Variants in TOM1L2 observed in about 807,000 individuals in gnomAD.
The protein encoded by TOM1L2 is TOM1-like protein 2.
A neutral mutation model predicts 67.9 loss-of-function variants in TOM1L2; 31 were observed. The ratio of observed to expected loss-of-function variants is 0.46; its 90% confidence interval spans 0.34 to 0.62. The LOEUF (loss-of-function observed/expected upper bound fraction) is 0.62, where lower values mean the gene tolerates loss of function less well. TOM1L2 is among the 20% of genes least tolerant of loss of function. The pLI, the probability that TOM1L2 is intolerant of heterozygous loss-of-function variation, is 0.01. For missense variants in TOM1L2, 606 were observed against 663.5 expected (o/e 0.91, Z 0.95); for synonymous variants, 256 against 254.0 (o/e 1.01, Z -0.07).
intron 1 of TOM1L2, among the ~76,000 whole-genome samples, chr17:17,959,926 G>A (rs968938688): frequency 6.6e-6 from 1 of 152,194 alleles, no homozygotes; most frequent in Non-Finnish European, 1.5e-5. Flanking sequence ...TTTAAATTCC[G>A]TCTTTTCCTC....
At chr17:17,959,644 A>G (rs1166082834) in intron 1 of TOM1L2, among the ~76,000 whole-genome samples, 1 of 152,204 alleles carries the variant, frequency 6.6e-6, no homozygotes, top group Non-Finnish European at 1.5e-5. Flanking sequence ...ACGTGCCAGA[A>G]ATCTGTGTGA....
intron 11 of TOM1L2, chr17:17,862,493 C>T (rs2036611288): frequency 2.4e-5 from 11 of 465,524 alleles, no homozygotes; most frequent in Non-Finnish European, 4.2e-5. Context: ...GGAGAAATCA[C>T]ACTCCAATCA....
At chr17:17,940,394 G>A (rs2040685662) in intron 1 of TOM1L2, among the ~76,000 whole-genome samples, 1 of 152,194 alleles carries the variant, frequency 6.6e-6, no homozygotes, top group Non-Finnish European at 1.5e-5. Context: ...ATGAGGCTCA[G>A]AAAAGTATGA....
intron 12 of TOM1L2, among the ~76,000 whole-genome samples, chr17:17,854,013 A>G (rs533426371): frequency 1.3e-5 from 2 of 152,358 alleles, no homozygotes; most frequent in South Asian, 4.1e-4. Context: ...ACTCATTACA[A>G]TATAGAAGCC....
intron 12 of TOM1L2, 45 bp from the exon 13 acceptor site, chr17:17,850,997 A>G: frequency 6.2e-7 from 1 of 1,604,638 alleles, no homozygotes; most frequent in Middle Eastern, 1.7e-4. Flanking sequence ...CCACACAGCC[A>G]GCGAGGGGAG....
intron 1 of TOM1L2, among the ~76,000 whole-genome samples, chr17:17,928,819 T>A (rs948117173): frequency 9.2e-5 from 14 of 152,148 alleles, no homozygotes; most frequent in African/African-American, 3.4e-4. Flanking sequence ...TTAGAGCTAT[T>A]CCCACCCACA....
In TOM1L2 at chr17:17,972,318, G is replaced by A. The variant is rs2042144111; in HGVS notation, c.-5C>T. 1 of 1,551,004 alleles carries A rather than the reference G, an allele frequency of 6.4e-7. No individual in the cohort carries two copies. Among genetic ancestry groups the A allele is most frequent in the Non-Finnish European group, 8.7e-7 (1 of 1,147,872 alleles). On this transcript the variant is annotated 5_prime_UTR_variant, in exon 1 of 15. Transcript: ENST00000379504. ...GTTCCCCAGGAGGAACTCCATCTTGGGTGGACAACACGCAGCGGCCCGGGC... is the reference window on the plus strand; with the variant it reads ...GTTCCCCAGGAGGAACTCCATCTTGAGTGGACAACACGCAGCGGCCCGGGC...
At chr17:17,889,966 T>C (rs886753958) in intron 4 of TOM1L2, among the ~76,000 whole-genome samples, 2 of 152,070 alleles carry the variant, frequency 1.3e-5, no homozygotes, top group Non-Finnish European at 2.9e-5. Flanking sequence ...CCTAGCCGCA[T>C]TGATATGAGA....
At chr17:17,967,671 G>A (rs917874751) in intron 1 of TOM1L2, among the ~76,000 whole-genome samples, 38 of 152,150 alleles carry the variant, frequency 2.5e-4, no homozygotes, top group African/African-American at 8.4e-4. Flanking sequence ...CAAATGGCAC[G>A]ATCTCGGCTC....
intron 1 of TOM1L2, among the ~76,000 whole-genome samples, chr17:17,939,963 C>T (rs959242302): frequency 6.6e-6 from 1 of 151,678 alleles, no homozygotes; most frequent in African/African-American, 2.4e-5. Context: ...GAGGCCAAGT[C>T]GGGAGGATCA....
chr17:17,870,290 T>C (rs2037082942), intron 7 of TOM1L2, among the ~76,000 whole-genome samples: 1 of 152,174 alleles, frequency 6.6e-6, no homozygotes, highest in African/African-American at 2.4e-5. Flanking sequence ...TAGCACTTTA[T>C]GGCCTGGCTT....
chr17:17,962,270 T>A (rs2041712288), intron 1 of TOM1L2, among the ~76,000 whole-genome samples: 2 of 151,872 alleles, frequency 1.3e-5, no homozygotes. Flanking sequence ...AGATATTGTT[T>A]CACTTTTGCA....
intron 1 of TOM1L2, among the ~76,000 whole-genome samples, chr17:17,948,927 G>C (rs1369259496): frequency 1.3e-5 from 2 of 152,160 alleles, no homozygotes; most frequent in Admixed American, 6.5e-5. Flanking sequence ...TTGGAGTACA[G>C]AGCCAGGGCT....
intron 3 of TOM1L2, 27 bp from the exon 4 acceptor site, chr17:17,893,837 T>C (rs2038418966): frequency 6.2e-7 from 1 of 1,608,752 alleles, no homozygotes; most frequent in African/African-American, 1.3e-5. Context: ...AGGAAAAGGG[T>C]CACCCCAGTG....
At chr17:17,925,424 T>A (rs530076679) in intron 1 of TOM1L2, among the ~76,000 whole-genome samples, 9 of 152,276 alleles carry the variant, frequency 5.9e-5, no homozygotes, top group Non-Finnish European at 1.0e-4. Flanking sequence ...ACTTTAAAAA[T>A]TTTTTATGTT....
rs1243705561 is a variant in TOM1L2 at position 17,846,386 on chromosome 17, C to G, written c.*1249G>C. 1 of 152,486 alleles carries G rather than the reference C, an allele frequency of 6.6e-6. No homozygotes were observed. The highest frequency in any genetic ancestry group is 2.4e-5 in the African/African-American group (1 of 41,476). The allele number at this position is 152,486 out of a possible 1,614,324, so 9.4% of individuals were successfully genotyped here. A position where few individuals can be genotyped will look rare whatever the true frequency, so the allele number is the denominator to read the frequency against. ...GTGTGGGGCCAGGTGTCTGGCTGGACCAGGGCCTGGGATGACCCGAGTCCC... is the reference window on the plus strand; with the variant it reads ...GTGTGGGGCCAGGTGTCTGGCTGGAGCAGGGCCTGGGATGACCCGAGTCCC... On this transcript the variant is annotated 3_prime_UTR_variant, in exon 15 of 15. Transcript: ENST00000379504.
chr17:17,926,606 T>C lies in TOM1L2; in HGVS notation c.53-19075A>G, dbSNP rs1041762888. On this transcript the variant is annotated intron_variant, in intron 1 of 14. Coordinates refer to ENST00000379504, the MANE Select transcript of TOM1L2 (RefSeq NM_001082968.2). ...GGCCTGGTGTGATGGATTACACCTG[T>C]AATCCCAGCAGTTTTGGAGGCCGAG... is the stretch of plus-strand genomic sequence containing the variant. 5.3e-5 allele frequency among the ~76,000 whole-genome samples: 8 copies of C among 152,180 alleles called. No individual in the cohort carries two copies. In the South Asian group the frequency reaches 1.2e-3, roughly 24 times the overall value.
At chr17:17,894,306 T>A (rs138767851) in intron 3 of TOM1L2, among the ~76,000 whole-genome samples, 390 of 152,336 alleles carry the variant, frequency 2.6e-3, no homozygotes, top group African/African-American at 8.8e-3. Flanking sequence ...ACCCTGCTTC[T>A]GCAACCAAAA....
intron 1 of TOM1L2, among the ~76,000 whole-genome samples, chr17:17,927,863 C>T (rs2040158988): frequency 6.6e-6 from 1 of 152,074 alleles, no homozygotes; most frequent in Admixed American, 6.6e-5. Context: ...CAGGGTTTCA[C>T]TATGTTACCC....
Sources: gnomAD v4.1 joint callset for allele counts (sites outside exome capture counted in the v4.1 genomes callset) on GRCh38, gnomAD v4.1.1 for gene constraint, MANE v1.5 for transcripts, NCBI Gene and HGNC (gene_info 2026-07-23, HGNC 2026-07-21) for gene names.